The following NPFFR2 variants were observed in gnomAD, a reference collection of about 807,000 sequenced individuals.
The protein encoded by NPFFR2 is G-protein coupled receptor 74.
Under a neutral mutation model 13.1 loss-of-function variants are expected in NPFFR2, and 15 were observed. The ratio of observed to expected loss-of-function variants is 1.15; its 90% CI spans 0.77 to 1.76. The LOEUF is 1.76. Among genes scored for constraint, NPFFR2 ranks in the 40% most tolerant of loss-of-function variants. NPFFR2 has a pLI of 0.00. For missense variants in NPFFR2, 572 were observed against 503.5 expected (o/e 1.14, Z -1.30); for synonymous variants, 190 against 175.7 (o/e 1.08, Z -0.65).
intron 1 of NPFFR2, among the ~76,000 whole-genome samples, chr4:72,080,398 C>T (rs4327458): frequency 0.89 from 135,572 of 152,050 alleles, 61,526 homozygotes; most frequent in Non-Finnish European, 0.98. Context: ...CTCCTGACCT[C>T]GTGATCTGCC....
chr4:72,120,688 A>G (rs1364958069), intron 1 of NPFFR2, among the ~76,000 whole-genome samples: 1 of 152,196 alleles, frequency 6.6e-6, no homozygotes, highest in Non-Finnish European at 1.5e-5. Context: ...AGGAAAACTA[A>G]CAAACAGAAA....
At chr4:72,042,577 A>T (rs113880662) in intron 1 of NPFFR2, among the ~76,000 whole-genome samples, 1 of 152,204 alleles carries the variant, frequency 6.6e-6, no homozygotes, top group Non-Finnish European at 1.5e-5. Flanking sequence ...GATATGGACA[A>T]TAATGTCCAG....
At position 72,101,228 on chromosome 4, in the gene NPFFR2, T is replaced by C. The variant is rs543889808; in HGVS notation, c.-7-27357T>C. On this transcript the variant is annotated intron_variant, in intron 1 of 3. Coordinates refer to ENST00000308744, the MANE Select transcript of NPFFR2 (RefSeq NM_004885.3). ...ATTTACTGAGGTAATTCACATGCCA[T>C]ACAATTCTCCTATTTATGCACATTA... is the stretch of plus-strand genomic sequence containing the variant. 6.6e-5 allele frequency among the ~76,000 whole-genome samples: 10 copies of C among 152,142 alleles called. 1 individual carries two copies. In the South Asian group the frequency reaches 2.1e-3, roughly 32 times the overall value.
At chr4:72,050,259 G>A (rs2109763919) in intron 1 of NPFFR2, among the ~76,000 whole-genome samples, 1 of 152,102 alleles carries the variant, frequency 6.6e-6, no homozygotes, top group East Asian at 1.9e-4. Context: ...CTTTGCCATT[G>A]ACATTAACCA....
chr4:72,104,908 C>T (rs532635904), intron 1 of NPFFR2, among the ~76,000 whole-genome samples: 113 of 151,510 alleles, frequency 7.5e-4, no homozygotes, highest in Non-Finnish European at 1.4e-3. Flanking sequence ...TATCTTTCCA[C>T]AATCCAAATA....
In NPFFR2 at chr4:72,104,684, A is replaced by T. The variant is rs1369551843; in HGVS notation, c.-7-23901A>T. Among the ~76,000 whole-genome samples the T allele has an allele frequency of 2.0e-5, 3 of 152,018 alleles. No individual in the cohort carries two copies. In the East Asian group the frequency reaches 5.8e-4, roughly 29 times the overall value. On this transcript the variant is annotated intron_variant, in intron 1 of 3. Coordinates refer to ENST00000308744, the MANE Select transcript of NPFFR2 (RefSeq NM_004885.3). ...TGGTACTTTCCTTATGCTTCTCTTA[A>T]TGAGGTCTTTCCAAAAGATATAGGT...
intron 1 of NPFFR2, among the ~76,000 whole-genome samples, chr4:72,068,256 G>T (rs773941039): frequency 4.5e-4 from 68 of 152,178 alleles, no homozygotes; most frequent in Non-Finnish European, 6.0e-4. Context: ...ATGTGGGCAG[G>T]TTAGTTGTCT....
rs576497096 is a variant in NPFFR2 at position 72,120,222 on chromosome 4, C to A, written c.-7-8363C>A. On this transcript the variant is annotated intron_variant, in intron 1 of 3. Coordinates refer to ENST00000308744, the MANE Select transcript of NPFFR2 (RefSeq NM_004885.3). The stretch of plus-strand genomic sequence containing the variant: ...CAGACTACCTCTCTAGATTCCTCCT[C>A]TCTGGGCAGGGCATCTCTGAAAGAA... 2.5e-4 allele frequency among the ~76,000 whole-genome samples: 38 copies of A among 152,356 alleles called. No individual in the cohort carries two copies. In the East Asian group the frequency reaches 7.3e-3, roughly 29 times the overall value.
At position 72,064,625 on chromosome 4, in the gene NPFFR2, C is replaced by G. The variant is rs114716858; in HGVS notation, c.-8+32425C>G. On this transcript the variant is annotated intron_variant, in intron 1 of 3. Coordinates refer to ENST00000308744, the MANE Select transcript of NPFFR2 (RefSeq NM_004885.3). Reference sequence around the variant, plus strand: ...GACATAGATAGTAGGAGGGAGGGATCATTGGGAGCCTTTTAGAAGCAGTCC... The same window carrying G: ...GACATAGATAGTAGGAGGGAGGGATGATTGGGAGCCTTTTAGAAGCAGTCC... Among the ~76,000 whole-genome samples, 1,219 of 152,242 alleles carry G rather than the reference C, an allele frequency of 8.0e-3. 8 individuals carry two copies. The highest frequency in any genetic ancestry group is 0.017 in the African/African-American group (706 of 41,532).
At chr4:72,058,243 C>T (rs1719817187) in intron 1 of NPFFR2, among the ~76,000 whole-genome samples, 1 of 151,676 alleles carries the variant, frequency 6.6e-6, no homozygotes, top group Non-Finnish European at 1.5e-5. Flanking sequence ...TAACTTACTC[C>T]TAGAGAGTTT....
chr4:72,140,313 A>G (rs1053974328), intron 3 of NPFFR2, among the ~76,000 whole-genome samples: 16 of 152,272 alleles, frequency 1.1e-4, no homozygotes, highest in African/African-American at 3.9e-4. Context: ...GAGTGGTGAG[A>G]GAGGTCGACC....
chr4:72,146,358 T>A (rs1382453765), intron 3 of NPFFR2, among the ~76,000 whole-genome samples: 1 of 152,160 alleles, frequency 6.6e-6, no homozygotes, highest in Non-Finnish European at 1.5e-5. Flanking sequence ...AGAGGAAGCA[T>A]TCCAGAAGGA....
intron 1 of NPFFR2, among the ~76,000 whole-genome samples, chr4:72,109,257 A>C (rs1031247433): frequency 6.6e-6 from 1 of 151,992 alleles, no homozygotes; most frequent in Non-Finnish European, 1.5e-5. Flanking sequence ...TTTATTTTGC[A>C]TAACTGAAAC....
At chr4:72,115,910 T>A (rs1031007033) in intron 1 of NPFFR2, among the ~76,000 whole-genome samples, 1 of 152,196 alleles carries the variant, frequency 6.6e-6, no homozygotes, top group Non-Finnish European at 1.5e-5. Flanking sequence ...TTAAAATTGA[T>A]CATTCTAGTT....
intron 1 of NPFFR2, among the ~76,000 whole-genome samples, chr4:72,082,354 T>C (rs1418138160): frequency 6.6e-6 from 1 of 152,094 alleles, no homozygotes; most frequent in African/African-American, 2.4e-5. Context: ...CCTCTCTGAG[T>C]CTCTCTTTAA....
intron 1 of NPFFR2, chr4:72,039,562 C>T (rs1719146995): frequency 4.9e-6 from 1 of 204,944 alleles, no homozygotes; most frequent in Admixed American, 6.5e-5. Context: ...TTGTGGAAAG[C>T]CCTCCATGTT....
rs991903779 is a variant in NPFFR2 at position 72,148,243 on chromosome 4, T to C, written c.*431T>C. Among the ~76,000 whole-genome samples, 1 of 152,248 alleles carries C rather than the reference T, an allele frequency of 6.6e-6. No homozygotes were observed. Among genetic ancestry groups the C allele is most frequent in the African/African-American group, 2.4e-5 (1 of 41,476 alleles). The stretch of plus-strand genomic sequence containing the variant: ...TTTAAAATTTTAGATTACAAGACTA[T>C]TACTCTGCTTATGTTTATAAACTGT... On this transcript the variant is annotated 3_prime_UTR_variant, in exon 4 of 4. Transcript: ENST00000308744.
chr4:72,123,882 C>T (rs1198894241), intron 1 of NPFFR2, among the ~76,000 whole-genome samples: 1 of 152,194 alleles, frequency 6.6e-6, no homozygotes, highest in African/African-American at 2.4e-5. Context: ...CTCACCACTC[C>T]TATTCAACAT....
chr4:72,042,222 A>G (rs6446803), intron 1 of NPFFR2, among the ~76,000 whole-genome samples: 133,651 of 151,946 alleles, frequency 0.88, 60,144 homozygotes, highest in Non-Finnish European at 0.98. Flanking sequence ...TCTTGCTGCC[A>G]CCATGTGAAG....
Sources: allele counts gnomAD v4.1 joint callset (sites outside exome capture counted in the v4.1 genomes callset), GRCh38; gene constraint gnomAD v4.1.1; transcripts MANE v1.5; gene names NCBI Gene and HGNC (gene_info 2026-07-23, HGNC 2026-07-21).